The following PFKFB3 variants were observed in gnomAD, a reference collection of about 807,000 sequenced individuals.
PFKFB3 encodes 6-phosphofructo-2-kinase/fructose-2,6-biphosphatase 3, also known as 6-phosphofructo-2-kinase/fructose-2,6-bisphosphatase 3.
A neutral mutation model predicts 68.0 loss-of-function variants in PFKFB3; 33 were observed. The ratio of observed to expected loss-of-function variants is 0.49; its 90% CI spans 0.37 to 0.65. PFKFB3 has a LOEUF of 0.65. Among genes scored for constraint, PFKFB3 ranks in the 30% least tolerant of loss-of-function variants. The pLI, the probability that PFKFB3 is intolerant of heterozygous loss-of-function variation, is 0.00. For synonymous variants in PFKFB3, 315 were observed against 288.2 expected, an observed-to-expected ratio of 1.09 and a Z score of -0.94; for missense variants, 586 against 712.2, an observed-to-expected ratio of 0.82 and a Z score of 2.02.
At chr10:6,239,768 G>C (rs1460374168), downstream of PFKFB3, among the ~76,000 whole-genome samples, 2 of 152,040 alleles carry the variant, frequency 1.3e-5, no homozygotes. Flanking sequence ...TGAACTCCCG[G>C]GCTCAAGCCA....
In PFKFB3 at chr10:6,210,402, C is replaced by T. The variant is rs1422462899; in HGVS notation, c.77-3221C>T. Among the ~76,000 whole-genome samples, 7 of 94,412 alleles carry T rather than the reference C, an allele frequency of 7.4e-5. 3 individuals are homozygous for T. Among genetic ancestry groups the T allele is most frequent in the Non-Finnish European group, 1.8e-4 (7 of 39,190 alleles). 61.9% of individuals were successfully genotyped at this position (94,412 alleles called of 152,430 possible). ...TTGAGACGAAGTTTCGCTCTGTCACCCAGGCTGGAGTGCAGTGGCGCTATC... is the reference window on the plus strand; with the variant it reads ...TTGAGACGAAGTTTCGCTCTGTCACTCAGGCTGGAGTGCAGTGGCGCTATC... On this transcript the variant is annotated intron_variant, in intron 1 of 14. Coordinates refer to ENST00000379775, the MANE Select transcript of PFKFB3 (RefSeq NM_004566.4).
At chr10:6,279,333 A>G in the PFKFB3 span, among the ~76,000 whole-genome samples, 1 of 152,202 alleles carries the variant, frequency 6.6e-6, no homozygotes, top group African/African-American at 2.4e-5. Context: ...CTAACATCGT[A>G]TGCATATTTT....
intron 1 of PFKFB3, among the ~76,000 whole-genome samples, chr10:6,180,038 A>T (rs1842663327): frequency 6.6e-6 from 1 of 152,038 alleles, no homozygotes; most frequent in East Asian, 1.9e-4. Flanking sequence ...CATTCAAAAT[A>T]ACCAGCTTTA....
At chr10:6,254,297 T>G in exon 15 of PFKFB3, 1 of 398,562 alleles carries the variant, frequency 2.5e-6, no homozygotes, top group Non-Finnish European at 4.4e-6. Flanking sequence ...GACCCGGGGC[T>G]GCACCAAGCA....
chr10:6,220,511 C>G lies in PFKFB3; in HGVS notation c.624-147C>G. ...GGAGTTGTCTTACGCATATGCTCTG[C>G]CCCTTAGAAGGATTCAGTCTGTGCC... On this transcript the variant is annotated intron_variant, in intron 7 of 14. Transcript: ENST00000379775. This position sits in a 1 kb window ranked among gnomAD's most constrained non-coding sequence, Gnocchi z 4.1. The G allele has an allele frequency of 1.5e-6, 1 of 678,010 alleles. No individual in the cohort carries two copies. Among genetic ancestry groups the G allele is most frequent in the African/African-American group, 1.8e-5 (1 of 56,034 alleles). The allele number at this position is 678,010 out of a possible 1,614,324, so 42.0% of individuals were successfully genotyped here.
At chr10:6,317,605 G>A in the PFKFB3 span, among the ~76,000 whole-genome samples, 2 of 152,182 alleles carry the variant, frequency 1.3e-5, no homozygotes, top group Non-Finnish European at 1.5e-5. Flanking sequence ...CGGTGGAGCG[G>A]AAGGCATTGG....
Position 6,154,694 on chromosome 10 carries a change from G to T in PFKFB3, c.16+9681G>T, listed in dbSNP as rs1281803725. On this transcript the variant is annotated intron_variant, in intron 1 of 14. Coordinates refer to the PFKFB3 transcript ENST00000379789. The surrounding 1 kb of genome is among the most constrained non-coding windows in gnomAD (Gnocchi z 4.6). ...GGCTGCGATCAGGGTGGTGTTGGGG[G>T]TGGCTGGATTCTGAATATATTTAGG... Among the ~76,000 whole-genome samples the T allele has an allele frequency of 6.6e-6, 1 of 152,186 alleles. No homozygotes were observed. The highest frequency in any genetic ancestry group is 1.5e-5 in the Non-Finnish European group (1 of 68,032).
rs139613206 is a variant in PFKFB3, at chr10:6,225,621, C to T, written c.1342-571C>T. Among the ~76,000 whole-genome samples, 276 of 152,344 alleles carry T rather than the reference C, an allele frequency of 1.8e-3. 3 individuals are homozygous for T. The highest frequency in any genetic ancestry group is 5.9e-3 in the African/African-American group (244 of 41,582). ...CTCTCATGGGAGGGCTGTGTCTGGTCCTGGCCGCAGAACCTGCTTCCTGCT... is the reference window on the plus strand; with the variant it reads ...CTCTCATGGGAGGGCTGTGTCTGGTTCTGGCCGCAGAACCTGCTTCCTGCT... On this transcript the variant is annotated intron_variant, in intron 13 of 14. Coordinates refer to ENST00000379775, the MANE Select transcript of PFKFB3 (RefSeq NM_004566.4).
intron 13 of PFKFB3, chr10:6,225,241 C>A (rs1030555575): frequency 2.2e-6 from 1 of 455,928 alleles, no homozygotes; most frequent in African/African-American, 2.0e-5. Context: ...ATGGCGTTCC[C>A]GAAACAGGTG....
intron 1 of PFKFB3, among the ~76,000 whole-genome samples, chr10:6,207,221 C>T (rs560140709): frequency 4.1e-4 from 63 of 151,988 alleles, no homozygotes; most frequent in East Asian, 4.1e-3. Context: ...GGATCACTCG[C>T]GGTTAGGAGC....
chr10:6,302,779 C>G, the PFKFB3 span, among the ~76,000 whole-genome samples: 2 of 116,706 alleles, frequency 1.7e-5, no homozygotes, highest in African/African-American at 3.0e-5. Context: ...CACACACACA[C>G]ATATACACAT....
upstream of PFKFB3, among the ~76,000 whole-genome samples, chr10:6,198,607 C>T (rs190717965): frequency 1.2e-4 from 18 of 152,316 alleles, no homozygotes; most frequent in East Asian, 1.9e-3. Context: ...CTCAGCCTCC[C>T]GAGTAGCTGG....
At chr10:6,277,420 C>T in the PFKFB3 span, among the ~76,000 whole-genome samples, 2 of 152,036 alleles carry the variant, frequency 1.3e-5, no homozygotes, top group Admixed American at 1.3e-4. Context: ...AGGGTTTCAC[C>T]ATGTTGGCCA....
intron 1 of PFKFB3, chr10:6,146,287 G>GT (rs1006524143): frequency 1.1e-5 from 16 of 1,495,206 alleles, no homozygotes; most frequent in Non-Finnish European, 1.3e-5. Context: ...TACCGGACTT[G>GT]TTTTTCAAAC....
At chr10:6,222,798 C>T (rs1385077011) in intron 10 of PFKFB3, 57 bp from the exon 11 acceptor site, 30 of 1,547,722 alleles carry the variant, frequency 1.9e-5, no homozygotes, top group Admixed American at 7.5e-5. Context: ...CTGTGGCCAG[C>T]GGCAGAGCCC....
the PFKFB3 span, among the ~76,000 whole-genome samples, chr10:6,273,688 G>A: frequency 1.3e-5 from 2 of 152,290 alleles, no homozygotes; most frequent in East Asian, 3.9e-4. Flanking sequence ...GTTAAAATGA[G>A]GTCATTAGGA....
chr10:6,153,042 C>T (rs971838232), intron 1 of PFKFB3, among the ~76,000 whole-genome samples: 5 of 151,690 alleles, frequency 3.3e-5, no homozygotes, highest in African/African-American at 4.8e-5. Flanking sequence ...ATTAGCTGTG[C>T]ATGGTGGTGG....
At chr10:6,306,681 A>C in the PFKFB3 span, among the ~76,000 whole-genome samples, 1 of 152,212 alleles carries the variant, frequency 6.6e-6, no homozygotes. Flanking sequence ...CCTCTATTCA[A>C]CATAATAACT....
chr10:6,225,047 T>C, intron 13 of PFKFB3: 5 of 450,020 alleles, frequency 1.1e-5, no homozygotes, highest in South Asian at 3.1e-5. Context: ...GCTGTCTACC[T>C]TGGGGGGAGG....
Sources: allele counts gnomAD v4.1 joint callset (sites outside exome capture counted in the v4.1 genomes callset), GRCh38; gene constraint gnomAD v4.1.1; non-coding constraint Gnocchi (gnomAD v3.1); transcripts MANE v1.5; gene names NCBI Gene and HGNC (gene_info 2026-07-23, HGNC 2026-07-21).